Variants in LRRC4C observed in about 807,000 individuals in gnomAD.
LRRC4C encodes the protein leucine-rich repeat-containing protein 4C.
In LRRC4C, 5 loss-of-function variants were observed where a neutral mutation model predicts 33.6. That is an observed-to-expected ratio of 0.15 (90% CI 0.08 to 0.31). The LOEUF is 0.31. LRRC4C is among the 10% of genes least tolerant of loss of function. LRRC4C has a pLI of 1.00. For synonymous variants in LRRC4C, 329 were observed against 302.0 expected (o/e 1.09, Z -0.93); for missense variants, 560 against 796.7 (o/e 0.70, Z 3.58).
intron 3 of LRRC4C, among the ~76,000 whole-genome samples, chr11:40,400,627 T>C (rs1416891049): frequency 6.6e-6 from 1 of 152,114 alleles, no homozygotes; most frequent in Non-Finnish European, 1.5e-5. Context: ...TTCTTTCCCC[T>C]TACCAGCACT....
At chr11:40,459,372 C>T (rs908870832) in intron 3 of LRRC4C, among the ~76,000 whole-genome samples, 6 of 152,108 alleles carry the variant, frequency 3.9e-5, no homozygotes, top group African/African-American at 9.7e-5. Flanking sequence ...GAGCAGTGAT[C>T]GTCAGCACTC....
chr11:40,996,726 T>C (rs890444522), intron 1 of LRRC4C, among the ~76,000 whole-genome samples: 4 of 152,092 alleles, frequency 2.6e-5, no homozygotes, highest in Non-Finnish European at 4.4e-5. Flanking sequence ...CTTACACTTA[T>C]GACAAATGGC....
intron 3 of LRRC4C, among the ~76,000 whole-genome samples, chr11:40,571,036 G>A (rs1173042914): frequency 6.6e-6 from 1 of 151,958 alleles, no homozygotes; most frequent in African/African-American, 2.4e-5. Context: ...AAGTTCTGAG[G>A]CACTGTATGT....
intron 3 of LRRC4C, among the ~76,000 whole-genome samples, chr11:40,330,974 T>C (rs1946336255): frequency 6.6e-6 from 1 of 152,208 alleles, no homozygotes; most frequent in Admixed American, 6.5e-5. Context: ...TATTCTTCCC[T>C]TCCCCATACC....
At chr11:40,575,517 G>C (rs749354471) in intron 3 of LRRC4C, among the ~76,000 whole-genome samples, 4 of 152,042 alleles carry the variant, frequency 2.6e-5, no homozygotes, top group Non-Finnish European at 5.9e-5. Context: ...TGTTAGGAAG[G>C]GTTCCAAGAA....
chr11:40,383,008 G>A (rs998554335), intron 3 of LRRC4C, among the ~76,000 whole-genome samples: 2 of 151,940 alleles, frequency 1.3e-5, no homozygotes, highest in African/African-American at 4.8e-5. Context: ...TGTACTCTTT[G>A]ACTAATACCT....
chr11:41,159,930 C>T (rs988105300), intron 1 of LRRC4C, among the ~76,000 whole-genome samples: 8 of 151,932 alleles, frequency 5.3e-5, no homozygotes, highest in Admixed American at 3.3e-4. Context: ...GAATGATGTG[C>T]TTTGATGGGG....
chr11:41,438,580 C>A (rs1263375786), intron 1 of LRRC4C, among the ~76,000 whole-genome samples: 1 of 152,086 alleles, frequency 6.6e-6, no homozygotes, highest in African/African-American at 2.4e-5. Context: ...CCTGGAGCCC[C>A]TCTCAGAATA....
At chr11:41,098,803 C>T (rs972316047) in intron 1 of LRRC4C, among the ~76,000 whole-genome samples, 7 of 151,638 alleles carry the variant, frequency 4.6e-5, no homozygotes, top group African/African-American at 1.7e-4. Flanking sequence ...AGAAAACCAA[C>T]AAAAAAGTTA....
intron 1 of LRRC4C, among the ~76,000 whole-genome samples, chr11:41,064,742 C>T (rs1938083295): frequency 6.6e-6 from 1 of 152,184 alleles, no homozygotes; most frequent in Non-Finnish European, 1.5e-5. Flanking sequence ...CTCACTGAGA[C>T]TAGTTAGGCA....
At chr11:41,273,123 A>G (rs1949371707) in intron 1 of LRRC4C, among the ~76,000 whole-genome samples, 2 of 152,188 alleles carry the variant, frequency 1.3e-5, no homozygotes, top group Non-Finnish European at 2.9e-5. Flanking sequence ...TTAATGCTAT[A>G]AGGAAAAGGT....
intron 5 of LRRC4C, among the ~76,000 whole-genome samples, chr11:40,189,187 T>G (rs1861633976): frequency 6.6e-6 from 1 of 152,178 alleles, no homozygotes; most frequent in Non-Finnish European, 1.5e-5. Context: ...ATTTTAAAAA[T>G]GAGATTTCTT....
chr11:40,961,699 T>C (rs892710162), intron 1 of LRRC4C, among the ~76,000 whole-genome samples: 17 of 151,464 alleles, frequency 1.1e-4, no homozygotes, highest in African/African-American at 3.9e-4. Flanking sequence ...GATTGAAGAG[T>C]TGTGTAAAGA....
intron 2 of LRRC4C, among the ~76,000 whole-genome samples, chr11:40,928,907 A>C (rs1051194112): frequency 8.5e-5 from 13 of 152,190 alleles, no homozygotes; most frequent in African/African-American, 3.1e-4. Flanking sequence ...ACAAATTCAA[A>C]TCAGCAAGCA....
At chr11:41,019,180 AC>A (rs1855791223) in intron 1 of LRRC4C, among the ~76,000 whole-genome samples, 1 of 150,556 alleles carries the variant, frequency 6.6e-6, no homozygotes, top group South Asian at 2.1e-4. Context: ...CCTCACCCCC[AC>A]CCCGCAACAG....
chr11:40,298,526 T>C (rs1226183085), intron 4 of LRRC4C, among the ~76,000 whole-genome samples: 2 of 151,398 alleles, frequency 1.3e-5, no homozygotes, highest in Admixed American at 1.3e-4. Flanking sequence ...CAGAAGATCA[T>C]GAGTACCTTT....
At chr11:41,400,411 C>T (rs921543616) in intron 1 of LRRC4C, among the ~76,000 whole-genome samples, 1 of 151,890 alleles carries the variant, frequency 6.6e-6, no homozygotes, top group East Asian at 2.0e-4. Flanking sequence ...TTTCCACTCC[C>T]CTTGTTAGTT....
At chr11:41,117,229 T>A (rs918403748) in intron 1 of LRRC4C, among the ~76,000 whole-genome samples, 1 of 152,210 alleles carries the variant, frequency 6.6e-6, no homozygotes, top group Non-Finnish European at 1.5e-5. Flanking sequence ...ACTACCCAGC[T>A]GAGCTCAGCT....
chr11:41,115,744 A>T (rs550974004), intron 1 of LRRC4C, among the ~76,000 whole-genome samples: 2 of 152,172 alleles, frequency 1.3e-5, no homozygotes, highest in South Asian at 4.1e-4. Flanking sequence ...GGTAATCAGG[A>T]TCTCCCCGGA....
Sources: gnomAD v4.1 joint callset for allele counts (sites outside exome capture counted in the v4.1 genomes callset) on GRCh38, gnomAD v4.1.1 for gene constraint, MANE v1.5 for transcripts, NCBI Gene and HGNC (gene_info 2026-07-23, HGNC 2026-07-21) for gene names.